GALNTL6: variants seen among roughly 807,000 people sequenced by gnomAD.
The protein encoded by GALNTL6 is polypeptide N-acetylgalactosaminyltransferase like 6.
In GALNTL6, 46 loss-of-function variants were observed where a neutral mutation model predicts 73.7. The ratio of observed to expected loss-of-function variants is 0.62; its 90% CI spans 0.49 to 0.80. The LOEUF (loss-of-function observed/expected upper bound fraction) is 0.80, where lower values mean the gene tolerates loss of function less well. Among genes scored for constraint, GALNTL6 ranks in the 30% least tolerant of loss-of-function variants. The pLI, the probability that GALNTL6 is intolerant of heterozygous loss-of-function variation, is 0.00. For synonymous variants in GALNTL6, 259 were observed against 263.7 expected (o/e 0.98, Z 0.17); for missense variants, 604 against 755.0 (o/e 0.80, Z 2.34).
intron 5 of GALNTL6, among the ~76,000 whole-genome samples, chr4:172,724,718 G>T (rs942876747): frequency 2.0e-5 from 3 of 152,128 alleles, no homozygotes; most frequent in African/African-American, 7.2e-5. Context: ...AAGTACTAAA[G>T]AATCAGTTTT....
intron 5 of GALNTL6, among the ~76,000 whole-genome samples, chr4:172,722,767 T>G (rs1735559981): frequency 6.6e-6 from 1 of 152,216 alleles, no homozygotes. Flanking sequence ...TATATTCTTT[T>G]GAATTTGTGA....
At chr4:172,226,557 CTG>C (rs34352455) in intron 2 of GALNTL6, among the ~76,000 whole-genome samples, 56,063 of 146,240 alleles carry the variant, frequency 0.38, 10,604 homozygotes, top group Admixed American at 0.41. Flanking sequence ...GAAAGAAGTT[CTG>C]TGTGTGTGTG....
At chr4:172,586,061 G>A (rs900453347) in intron 5 of GALNTL6, among the ~76,000 whole-genome samples, 1 of 152,186 alleles carries the variant, frequency 6.6e-6, no homozygotes, top group African/African-American at 2.4e-5. Context: ...ACTGTTGGTA[G>A]GAGTCTAAAT....
At chr4:172,072,206 A>C (rs1731564889) in intron 2 of GALNTL6, among the ~76,000 whole-genome samples, 1 of 151,982 alleles carries the variant, frequency 6.6e-6, no homozygotes, top group South Asian at 2.1e-4. Context: ...ATTTCTGCCT[A>C]GCTGTTTGTA....
At chr4:172,945,905 ATAT>A (rs1383104770) in intron 9 of GALNTL6, among the ~76,000 whole-genome samples, 2 of 152,210 alleles carry the variant, frequency 1.3e-5, no homozygotes, top group East Asian at 3.8e-4. Flanking sequence ...TGACATTATC[ATAT>A]TATCAATGAT....
At chr4:172,874,860 C>T (rs1308317673) in intron 7 of GALNTL6, among the ~76,000 whole-genome samples, 4 of 152,198 alleles carry the variant, frequency 2.6e-5, no homozygotes, top group Non-Finnish European at 5.9e-5. Context: ...GGGACATTCG[C>T]AGTGTGGCTT....
At chr4:172,393,802 A>G (rs1161337186) in intron 5 of GALNTL6, among the ~76,000 whole-genome samples, 1 of 152,184 alleles carries the variant, frequency 6.6e-6, no homozygotes, top group African/African-American at 2.4e-5. Flanking sequence ...AATTCAAACT[A>G]TATTTTAATG....
chr4:173,004,636 CTAACTAAATAAA>C (rs1337792424), intron 10 of GALNTL6, among the ~76,000 whole-genome samples: 4 of 152,016 alleles, frequency 2.6e-5, no homozygotes, highest in African/African-American at 9.7e-5. Flanking sequence ...AACTAACTAA[CTAACTAAATAAA>C]TAAATAAATA....
intron 2 of GALNTL6, among the ~76,000 whole-genome samples, chr4:171,824,824 T>A (rs1417184058): frequency 6.6e-6 from 1 of 151,754 alleles, no homozygotes; most frequent in African/African-American, 2.4e-5. Flanking sequence ...CATGTTTAAC[T>A]TCTTCTTTCA....
chr4:172,045,367 G>A (rs1742187040), intron 2 of GALNTL6, among the ~76,000 whole-genome samples: 1 of 151,988 alleles, frequency 6.6e-6, no homozygotes, highest in African/African-American at 2.4e-5. Flanking sequence ...TAATTGCAGT[G>A]TTTGAGAATT....
chr4:172,758,128 T>C (rs1328689001), intron 5 of GALNTL6, among the ~76,000 whole-genome samples: 3 of 152,248 alleles, frequency 2.0e-5, no homozygotes, highest in Admixed American at 6.5e-5. Context: ...CAACCACCTA[T>C]GTACACATAA....
intron 5 of GALNTL6, among the ~76,000 whole-genome samples, chr4:172,389,077 C>T (rs368756925): frequency 1.4e-4 from 22 of 152,064 alleles, no homozygotes; most frequent in South Asian, 8.3e-4. Flanking sequence ...TTAGACAAGA[C>T]GTAATTTCAG....
chr4:172,264,059 G>A (rs1024606820), intron 3 of GALNTL6, among the ~76,000 whole-genome samples: 1 of 151,380 alleles, frequency 6.6e-6, no homozygotes, highest in Non-Finnish European at 1.5e-5. Flanking sequence ...TTGGCAGCTG[G>A]GGGGGTGTGG....
chr4:172,294,026 A>G (rs1465973930), intron 3 of GALNTL6, among the ~76,000 whole-genome samples: 4 of 151,618 alleles, frequency 2.6e-5, no homozygotes, highest in Non-Finnish European at 4.4e-5. Context: ...CACAGCCTCT[A>G]TATTTTCCTT....
chr4:172,675,602 A>G (rs549781109), intron 5 of GALNTL6, among the ~76,000 whole-genome samples: 1 of 152,348 alleles, frequency 6.6e-6, no homozygotes, highest in Admixed American at 6.5e-5. Context: ...AGACCATGCA[A>G]TTAAAACCTC....
At chr4:172,733,332 C>T (rs1736263959) in intron 5 of GALNTL6, among the ~76,000 whole-genome samples, 1 of 152,138 alleles carries the variant, frequency 6.6e-6, no homozygotes, top group Non-Finnish European at 1.5e-5. Context: ...TTGATTATTT[C>T]TTGCTGCTTT....
chr4:172,701,113 T>C (rs1185763059), intron 5 of GALNTL6, among the ~76,000 whole-genome samples: 1 of 152,120 alleles, frequency 6.6e-6, no homozygotes, highest in Non-Finnish European at 1.5e-5. Flanking sequence ...TCTCATCTTA[T>C]TTACTAATAA....
intron 5 of GALNTL6, among the ~76,000 whole-genome samples, chr4:172,586,445 C>T (rs981656321): frequency 6.9e-6 from 1 of 145,970 alleles, no homozygotes. Flanking sequence ...CAATGAAATA[C>T]TTACCAACAG....
intron 5 of GALNTL6, among the ~76,000 whole-genome samples, chr4:172,536,886 T>C (rs1383176143): frequency 6.6e-6 from 1 of 152,142 alleles, no homozygotes; most frequent in Non-Finnish European, 1.5e-5. Context: ...AATGTCAGTG[T>C]GACCTGGATG....
Sources: allele counts gnomAD v4.1 joint callset (sites outside exome capture counted in the v4.1 genomes callset), GRCh38; gene constraint gnomAD v4.1.1; transcripts MANE v1.5; gene names NCBI Gene and HGNC (gene_info 2026-07-23, HGNC 2026-07-21).